The following SYT1 variants were observed in gnomAD, a reference collection of about 807,000 sequenced individuals.
SYT1 encodes synaptotagmin 1.
In SYT1, 8 loss-of-function variants were observed where a neutral mutation model predicts 44.8. The ratio of observed to expected loss-of-function variants is 0.18; its 90% CI spans 0.10 to 0.32. The LOEUF (loss-of-function observed/expected upper bound fraction) is 0.32, where lower values mean the gene tolerates loss of function less well. Ranked by LOEUF, SYT1 falls within the 10% of genes least tolerant of loss-of-function variation. SYT1 has a pLI of 1.00. For synonymous variants in SYT1, 154 were observed against 188.8 expected (o/e 0.82, Z 1.51); for missense variants, 286 against 509.3 (o/e 0.56, Z 4.22).
intron 1 of SYT1, among the ~76,000 whole-genome samples, chr12:78,969,761 A>G (rs1323272985): frequency 6.6e-6 from 1 of 152,206 alleles, no homozygotes; most frequent in Non-Finnish European, 1.5e-5. Flanking sequence ...AAGGTGAGCC[A>G]CTGAAGATTT....
At chr12:79,211,358 A>G (rs1432284537) in intron 3 of SYT1, among the ~76,000 whole-genome samples, 1 of 152,190 alleles carries the variant, frequency 6.6e-6, no homozygotes, top group Admixed American at 6.5e-5. Context: ...GTTACTACAA[A>G]CATCCTTATA....
intron 3 of SYT1, among the ~76,000 whole-genome samples, chr12:79,192,358 G>C (rs1416369824): frequency 6.6e-6 from 1 of 152,136 alleles, no homozygotes; most frequent in Non-Finnish European, 1.5e-5. Flanking sequence ...TTTATTTGTT[G>C]CCTGAATTGA....
intron 1 of SYT1, among the ~76,000 whole-genome samples, chr12:78,933,384 C>G (rs1457886830): frequency 6.6e-6 from 1 of 152,112 alleles, no homozygotes; most frequent in Non-Finnish European, 1.5e-5. Context: ...GGAGCTAGAA[C>G]TTACTAAATA....
At chr12:79,269,090 C>CTT (rs75011106) in intron 4 of SYT1, among the ~76,000 whole-genome samples, 8 of 144,070 alleles carry the variant, frequency 5.6e-5, no homozygotes, top group African/African-American at 1.0e-4. Context: ...TTGCCCTTCT[C>CTT]TTTTTTTTTT....
At chr12:78,939,330 A>G (rs771610332) in intron 1 of SYT1, among the ~76,000 whole-genome samples, 8 of 152,246 alleles carry the variant, frequency 5.3e-5, no homozygotes, top group Admixed American at 1.3e-4. Context: ...AAGCTTCAAA[A>G]CTTCTGTCTT....
chr12:79,019,503 A>G (rs865783952), intron 2 of SYT1, among the ~76,000 whole-genome samples: 58 of 151,992 alleles, frequency 3.8e-4, no homozygotes, highest in African/African-American at 5.1e-4. Context: ...TGCAAACATT[A>G]TATTTCAGAG....
chr12:79,187,640 A>G (rs1370753339), intron 3 of SYT1, among the ~76,000 whole-genome samples: 1 of 152,144 alleles, frequency 6.6e-6, no homozygotes, highest in African/African-American at 2.4e-5. Flanking sequence ...GAGATAGCAG[A>G]CGAGGCTTCA....
intron 4 of SYT1, among the ~76,000 whole-genome samples, chr12:79,281,071 C>T (rs945898485): frequency 6.6e-6 from 1 of 151,564 alleles, no homozygotes; most frequent in African/African-American, 2.4e-5. Context: ...ATTAGTACAA[C>T]TTCTATGCAG....
chr12:79,033,984 A>G (rs1014231522), intron 2 of SYT1, among the ~76,000 whole-genome samples: 1 of 151,500 alleles, frequency 6.6e-6, no homozygotes, highest in African/African-American at 2.4e-5. Flanking sequence ...AACTATGTAG[A>G]AATAGATGTT....
intron 5 of SYT1, among the ~76,000 whole-genome samples, chr12:79,287,887 G>C (rs1356250835): frequency 6.6e-6 from 1 of 152,096 alleles, no homozygotes; most frequent in Admixed American, 6.5e-5. Flanking sequence ...GAAATATTAA[G>C]AAGTCAGTGA....
chr12:79,209,624 G>C (rs182088565), intron 3 of SYT1, among the ~76,000 whole-genome samples: 3 of 152,266 alleles, frequency 2.0e-5, no homozygotes, highest in Admixed American at 1.3e-4. Flanking sequence ...TTTGGTCAAG[G>C]GCAATTTCTC....
chr12:79,112,635 T>C (rs1234695944), intron 3 of SYT1, among the ~76,000 whole-genome samples: 3 of 152,132 alleles, frequency 2.0e-5, no homozygotes, highest in African/African-American at 7.2e-5. Flanking sequence ...AATTACACCA[T>C]TGTATCTCAG....
chr12:79,035,543 G>T (rs1873076019), intron 2 of SYT1, among the ~76,000 whole-genome samples: 1 of 148,846 alleles, frequency 6.7e-6, no homozygotes, highest in African/African-American at 2.5e-5. Context: ...TTCTGGAAAT[G>T]AAATAATTCC....
intron 9 of SYT1, among the ~76,000 whole-genome samples, chr12:79,390,179 C>T (rs891985412): frequency 1.2e-4 from 18 of 152,136 alleles, no homozygotes; most frequent in African/African-American, 3.6e-4. Flanking sequence ...GTGATCCGCC[C>T]GCCCCAGCCT....
At chr12:79,120,776 GA>G (rs1177862606) in intron 3 of SYT1, among the ~76,000 whole-genome samples, 1 of 152,090 alleles carries the variant, frequency 6.6e-6, no homozygotes, top group Non-Finnish European at 1.5e-5. Flanking sequence ...AAGCAGTGTT[GA>G]CATCATCCGA....
intron 1 of SYT1, among the ~76,000 whole-genome samples, chr12:78,901,280 T>C (rs1875648583): frequency 6.6e-6 from 1 of 152,088 alleles, no homozygotes; most frequent in Non-Finnish European, 1.5e-5. Context: ...TCCTAAAATA[T>C]TTTTTTCCAA....
intron 8 of SYT1, among the ~76,000 whole-genome samples, chr12:79,300,789 T>TTTTATATATATATATATATATATATATA (rs1490670835): frequency 7.8e-5 from 7 of 89,596 alleles, no homozygotes; most frequent in South Asian, 4.8e-4. Flanking sequence ...TGTATACTTA[T>TTTTATATATATATATATATATATATATA]TATATATATA....
At chr12:79,057,817 AC>A (rs1381964735) in intron 3 of SYT1, among the ~76,000 whole-genome samples, 2 of 151,932 alleles carry the variant, frequency 1.3e-5, no homozygotes, top group African/African-American at 4.8e-5. Flanking sequence ...AGACACAGAA[AC>A]CAAAAATTAT....
intron 3 of SYT1, among the ~76,000 whole-genome samples, chr12:79,060,270 T>C (rs1326181088): frequency 1.3e-5 from 2 of 151,978 alleles, no homozygotes; most frequent in Non-Finnish European, 2.9e-5. Flanking sequence ...CAAAAAGCTT[T>C]TATTTTCAAG....
Sources: allele counts gnomAD v4.1 joint callset (sites outside exome capture counted in the v4.1 genomes callset), GRCh38; gene constraint gnomAD v4.1.1; transcripts MANE v1.5; gene names NCBI Gene and HGNC (gene_info 2026-07-23, HGNC 2026-07-21).